The following HACD4 variants were observed in gnomAD, a reference collection of about 807,000 sequenced individuals.
The protein encoded by HACD4 is very-long-chain (3R)-3-hydroxyacyl-CoA dehydratase 4.
Under a neutral mutation model 33.3 loss-of-function variants are expected in HACD4, and 35 were observed. The observed-to-expected ratio is 1.05, with a 90% CI of 0.80 to 1.39. HACD4 has a LOEUF of 1.39. Ranked by LOEUF, HACD4 falls within the 40% of genes most tolerant of loss-of-function variation. The pLI, the probability that HACD4 is intolerant of heterozygous loss-of-function variation, is 0.00. For missense variants in HACD4, 323 were observed against 276.5 expected (o/e 1.17, Z -1.19); for synonymous variants, 118 against 98.0 (o/e 1.20, Z -1.21).
chr9:21,023,165 C>G (rs1040868238), intron 3 of HACD4, among the ~76,000 whole-genome samples: 1 of 133,674 alleles, frequency 7.5e-6, no homozygotes, highest in Non-Finnish European at 1.5e-5. Context: ...GGGAACTGAA[C>G]AATGAGAACA....
At position 21,002,893 on chromosome 9, in the gene HACD4, CAA is replaced by C; in HGVS notation, c.*4142_*4143del. 6.6e-6 allele frequency: 1 copy of C among 152,132 alleles called. No individual in the cohort carries two copies. Among genetic ancestry groups the C allele is most frequent in the Non-Finnish European group, 1.5e-5 (1 of 67,988 alleles). The allele number at this position is 152,132 out of a possible 1,614,324, so 9.4% of individuals were successfully genotyped here. On this transcript the variant is annotated 3_prime_UTR_variant, in exon 7 of 7. Transcript: ENST00000495827. ...AGTTAAGACAGATAGTCAAAGACATCAACTTTGCGATTTTGGTAACATCCGAT... is the reference window on the plus strand; with the variant it reads ...AGTTAAGACAGATAGTCAAAGACATCCTTTGCGATTTTGGTAACATCCGAT...
chr9:21,004,537 C>G lies in HACD4; in HGVS notation c.*2500G>C, dbSNP rs1033576184. The G allele has an allele frequency of 2.0e-5, 3 of 152,168 alleles. No homozygotes were observed. The highest frequency in any genetic ancestry group is 7.2e-5 in the African/African-American group (3 of 41,440). 9.4% of individuals were successfully genotyped at this position (152,168 alleles called of 1,614,324 possible). ...AAGGGAGAGATGGTTTCTCCCTCCA[C>G]CATGTGAACATATAGCAAGAAGGCA... On this transcript the variant is annotated 3_prime_UTR_variant, in exon 7 of 7. Transcript: ENST00000495827. This position sits in a 1 kb window ranked among gnomAD's most constrained non-coding sequence, Gnocchi z 4.6.
intron 3 of HACD4, among the ~76,000 whole-genome samples, chr9:21,021,911 C>A (rs928284035): frequency 2.6e-5 from 4 of 152,014 alleles, no homozygotes; most frequent in South Asian, 4.2e-4. Flanking sequence ...AAAAAGAGCC[C>A]GCATCACCAA....
At chr9:21,018,363 T>C (rs1040188184) in intron 3 of HACD4, among the ~76,000 whole-genome samples, 1 of 152,150 alleles carries the variant, frequency 6.6e-6, no homozygotes, top group Non-Finnish European at 1.5e-5. Context: ...GGAATCAACA[T>C]CTAGACAATA....
At chr9:21,031,463 G>A (rs1036434055) in intron 1 of HACD4, 90 bp downstream of exon 1, 106 of 1,350,468 alleles carry the variant, frequency 7.8e-5, no homozygotes, top group Admixed American at 2.8e-4. Flanking sequence ...GGCGGGGGGT[G>A]CCGCCCGCCC....
In HACD4 at chr9:21,008,134, T is replaced by C. The variant is rs1842317219; in HGVS notation, c.503A>G (p.Tyr168Cys). ...TGATTCAAAATAAGGCAGCGATTGA[T>C]AGATGGCAAATGCTGTTAAAAAAGA... ...LCVLAEAFAI[Y>C]QSLPYFESFG... The change falls in exon 6 of 7, where the codon TAT (tyrosine) becomes TGT (cysteine). Residue 168 changes from tyrosine (Y) to cysteine (C), a missense_variant. Transcript: ENST00000495827. 1.2e-6 allele frequency: 2 copies of C among 1,606,128 alleles called. No individual in the cohort carries two copies. Among genetic ancestry groups the C allele is most frequent in the Non-Finnish European group, 1.7e-6 (2 of 1,176,894 alleles).
chr9:21,010,322 T>C (rs769531398), intron 5 of HACD4, among the ~76,000 whole-genome samples: 7 of 152,136 alleles, frequency 4.6e-5, no homozygotes, highest in Non-Finnish European at 1.0e-4. Context: ...GATTTGATCT[T>C]AAGTTTTAGG....
intron 3 of HACD4, among the ~76,000 whole-genome samples, chr9:21,021,165 A>G (rs1252652431): frequency 2.0e-5 from 3 of 152,248 alleles, no homozygotes; most frequent in African/African-American, 7.2e-5. Context: ...AAGGCCTTTG[A>G]CAAAATTCAG....
rs1421748143 is a variant in HACD4, at chr9:21,002,107, G to T, written c.*4930C>A. ...GAAACTTAAAGGAGTGATAGACAGA[G>T]ATATAAAGAGCAGAATTTTTGTATA... On this transcript the variant is annotated 3_prime_UTR_variant, in exon 7 of 7. Transcript: ENST00000495827. 1 of 152,078 alleles carries T rather than the reference G, an allele frequency of 6.6e-6. No individual in the cohort carries two copies. Among genetic ancestry groups the T allele is most frequent in the African/African-American group, 2.4e-5 (1 of 41,418 alleles). The allele number at this position is 152,078 out of a possible 1,614,324, so 9.4% of individuals were successfully genotyped here. A position where few individuals can be genotyped will look rare whatever the true frequency, so the allele number is the denominator to read the frequency against.
chr9:21,028,596 T>C (rs1355628279), intron 2 of HACD4, among the ~76,000 whole-genome samples: 1 of 152,246 alleles, frequency 6.6e-6, no homozygotes, highest in African/African-American at 2.4e-5. Flanking sequence ...CATTTGTTTT[T>C]AGCTGAAGCC....
At chr9:21,012,172 A>C (rs991659980) in intron 4 of HACD4, among the ~76,000 whole-genome samples, 24 of 152,312 alleles carry the variant, frequency 1.6e-4, no homozygotes, top group African/African-American at 5.5e-4. Context: ...TTGGGAGCTG[A>C]TTTGGGTATA....
In HACD4 at chr9:21,010,462, C is replaced by CA. The variant is rs1564270500; in HGVS notation, c.490+1126_490+1127insT. 3.4e-4 allele frequency among the ~76,000 whole-genome samples: 43 copies of CA among 127,292 alleles called. 5 individuals carry two copies. Among genetic ancestry groups the CA allele is most frequent in the African/African-American group, 1.2e-3 (38 of 31,848 alleles). The allele number at this position is 127,292 out of a possible 152,430, so 83.5% of individuals were successfully genotyped here. A position where few individuals can be genotyped will look rare whatever the true frequency, so the allele number is the denominator to read the frequency against. The stretch of plus-strand genomic sequence containing the variant: ...CAGACTCAGACATCCTGGTACCCCC[C>CA]CCCCCCCCAGAGCTTACAGTCTAGT... On this transcript the variant is annotated intron_variant, in intron 5 of 6. Transcript: ENST00000495827.
chr9:21,015,908 C>G lies in HACD4; in HGVS notation c.373G>C (p.Asp125His), dbSNP rs755945649. ...CVLFVFWNLL[D>H]MVRYTYSMLS... ...ATTTTGCCTTCTTACCTAACCATAT[C>G]CAATAGATTCCAAAAGACGAATAAA... The change falls in exon 4 of 7, where the codon GAT (aspartate) becomes CAT (histidine). Residue 125 changes from aspartate (D) to histidine (H), a missense_variant. Transcript: ENST00000495827. 3 of 1,608,434 alleles carry G rather than the reference C, an allele frequency of 1.9e-6. No homozygotes were observed. The highest frequency in any genetic ancestry group is 1.7e-6 in the Non-Finnish European group (2 of 1,175,236).
In HACD4 at chr9:21,002,729, A is replaced by C. The variant is rs1182550265; in HGVS notation, c.*4308T>G. On this transcript the variant is annotated 3_prime_UTR_variant, in exon 7 of 7. Transcript: ENST00000495827. ...GTATATTTTACATTTTACCACAATA[A>C]AAAAATTACTGAAAAAAGTTGTCTT... The C allele has an allele frequency of 2.0e-5, 3 of 152,164 alleles. No homozygotes were observed. Among genetic ancestry groups the C allele is most frequent in the African/African-American group, 4.8e-5 (2 of 41,452 alleles). 9.4% of individuals were successfully genotyped at this position (152,164 alleles called of 1,614,324 possible). A position where few individuals can be genotyped will look rare whatever the true frequency, so the allele number is the denominator to read the frequency against.
At chr9:21,013,975 G>A (rs1564272935) in intron 4 of HACD4, among the ~76,000 whole-genome samples, 1 of 152,126 alleles carries the variant, frequency 6.6e-6, no homozygotes, top group Admixed American at 6.5e-5. Context: ...GTACGATGAT[G>A]AATATAACTG....
At chr9:21,020,428 G>C (rs1277016700) in intron 3 of HACD4, among the ~76,000 whole-genome samples, 3 of 152,118 alleles carry the variant, frequency 2.0e-5, no homozygotes, top group Non-Finnish European at 2.9e-5. Flanking sequence ...TCCTAAAGCA[G>C]CATGAATAAA....
At chr9:21,022,761 C>T (rs1817954449) in intron 3 of HACD4, among the ~76,000 whole-genome samples, 2 of 151,850 alleles carry the variant, frequency 1.3e-5, no homozygotes, top group Non-Finnish European at 1.5e-5. Flanking sequence ...CACTTTTACA[C>T]TGTTGGTGGG....
At position 21,017,027 on chromosome 9, in the gene HACD4, G is replaced by C. The variant is rs180905252; in HGVS notation, c.271-1017C>G. On this transcript the variant is annotated intron_variant, in intron 3 of 6. Coordinates refer to ENST00000495827, the MANE Select transcript of HACD4 (RefSeq NM_001010915.5). ...ATCCTGTACATTCTGTATTTTGTGT[G>C]TTTTTAATAAAATGTTTTACTTGCT... 4.6e-5 allele frequency among the ~76,000 whole-genome samples: 7 copies of C among 152,154 alleles called. No homozygotes were observed. The East Asian group carries it at 1.3e-3, about 29-fold the overall frequency.
At chr9:21,020,603 T>C (rs1048949311) in intron 3 of HACD4, among the ~76,000 whole-genome samples, 1 of 152,170 alleles carries the variant, frequency 6.6e-6, no homozygotes, top group African/African-American at 2.4e-5. Flanking sequence ...GCTAATAAAG[T>C]TTGCAAGCTC....
Sources: gnomAD v4.1 joint callset for allele counts (sites outside exome capture counted in the v4.1 genomes callset) on GRCh38, gnomAD v4.1.1 for gene constraint, Gnocchi (gnomAD v3.1) non-coding constraint, MANE v1.5 for transcripts, NCBI Gene and HGNC (gene_info 2026-07-23, HGNC 2026-07-21) for gene names.